The following PTPRT variants were observed in gnomAD, a reference collection of about 807,000 sequenced individuals.
The protein encoded by PTPRT is protein tyrosine phosphatase receptor type T, also known as receptor-type tyrosine-protein phosphatase T.
Under a neutral mutation model 176.8 loss-of-function variants are expected in PTPRT, and 56 were observed. That is an observed-to-expected ratio of 0.32 (90% CI 0.26 to 0.40). The LOEUF (loss-of-function observed/expected upper bound fraction) is 0.40, where lower values mean the gene tolerates loss of function less well. Among genes scored for constraint, PTPRT ranks in the 10% least tolerant of loss-of-function variants. The probability of loss-of-function intolerance (pLI) is 1.00; values close to 1 mark genes in which losing one functional copy is unlikely to be tolerated. For synonymous variants in PTPRT, 783 were observed against 739.0 expected (o/e 1.06, Z -0.96); for missense variants, 1,540 against 1,908.2 (o/e 0.81, Z 3.60).
At chr20:42,706,125 G>GTCTA (rs1468152212) in intron 6 of PTPRT, among the ~76,000 whole-genome samples, 3 of 151,604 alleles carry the variant, frequency 2.0e-5, no homozygotes, top group Non-Finnish European at 4.4e-5. Flanking sequence ...ATGTCTGTCT[G>GTCTA]TCTGTGTCTG....
intron 9 of PTPRT, among the ~76,000 whole-genome samples, chr20:42,367,036 A>T (rs1333566704): frequency 1.3e-5 from 2 of 152,218 alleles, no homozygotes; most frequent in African/African-American, 4.8e-5. Context: ...AGGGGTTCAT[A>T]ATAGGAAGGA....
intron 9 of PTPRT, among the ~76,000 whole-genome samples, chr20:42,398,162 A>C (rs1418814537): frequency 2.0e-5 from 3 of 152,230 alleles, no homozygotes; most frequent in South Asian, 2.1e-4. Context: ...AATTGTAAAA[A>C]AAAATACATA....
At chr20:42,553,938 T>C (rs907190474) in intron 7 of PTPRT, among the ~76,000 whole-genome samples, 1 of 152,054 alleles carries the variant, frequency 6.6e-6, no homozygotes, top group Non-Finnish European at 1.5e-5. Context: ...AATGGTAGCA[T>C]CTAAGATGAT....
chr20:43,142,798 T>A (rs1203756299), intron 1 of PTPRT, among the ~76,000 whole-genome samples: 1 of 152,186 alleles, frequency 6.6e-6, no homozygotes, highest in Non-Finnish European at 1.5e-5. Flanking sequence ...ATACCAGGCA[T>A]GGTAACTGCC....
intron 7 of PTPRT, among the ~76,000 whole-genome samples, chr20:42,583,606 C>T (rs900179137): frequency 2.6e-5 from 4 of 152,042 alleles, no homozygotes; most frequent in Admixed American, 6.5e-5. Context: ...ACATGCACTC[C>T]CCCACACACA....
At chr20:42,831,213 G>T (rs2078079923) in intron 2 of PTPRT, among the ~76,000 whole-genome samples, 2 of 152,064 alleles carry the variant, frequency 1.3e-5, no homozygotes, top group South Asian at 4.1e-4. Context: ...AGAAAGCCCA[G>T]AAGTAAGGCC....
chr20:42,877,811 T>C (rs1356658249), intron 2 of PTPRT, among the ~76,000 whole-genome samples: 1 of 152,184 alleles, frequency 6.6e-6, no homozygotes, highest in Non-Finnish European at 1.5e-5. Flanking sequence ...GACTAGTGCT[T>C]GGACCATTCT....
chr20:42,752,497 C>T (rs1238667884), intron 6 of PTPRT, among the ~76,000 whole-genome samples: 1 of 152,110 alleles, frequency 6.6e-6, no homozygotes, highest in African/African-American at 2.4e-5. Flanking sequence ...TGAACTGGAA[C>T]CAAAGGGTGG....
At chr20:42,609,984 A>T (rs1219589311) in intron 7 of PTPRT, among the ~76,000 whole-genome samples, 1 of 152,226 alleles carries the variant, frequency 6.6e-6, no homozygotes, top group African/African-American at 2.4e-5. Context: ...TTTGACTCCA[A>T]GCATCCAACC....
rs550658756 is a variant in PTPRT, at chr20:42,568,778, G to A, written c.1154-96216C>T. On this transcript the variant is annotated intron_variant, in intron 7 of 30. Coordinates refer to ENST00000373187, the MANE Select transcript of PTPRT (RefSeq NM_007050.6). ...AATAAGAATTATTTCGGCTAGGCAC[G>A]GTGGCTCATGCCTGTAATCCCAGAA... Among the ~76,000 whole-genome samples the A allele has an allele frequency of 7.2e-5, 11 of 152,036 alleles. No homozygotes were observed. In the South Asian group the frequency reaches 1.5e-3, roughly 20 times the overall value.
intron 7 of PTPRT, among the ~76,000 whole-genome samples, chr20:42,654,709 G>A (rs912917644): frequency 4.6e-5 from 7 of 152,174 alleles, no homozygotes; most frequent in African/African-American, 1.7e-4. Context: ...AGCCCACTGA[G>A]ATGGGTACAG....
chr20:42,732,709 G>T (rs1434769534), intron 6 of PTPRT, among the ~76,000 whole-genome samples: 1 of 152,174 alleles, frequency 6.6e-6, no homozygotes, highest in Non-Finnish European at 1.5e-5. Context: ...TAGAACTCAG[G>T]TTTCCTTTCA....
intron 4 of PTPRT, among the ~76,000 whole-genome samples, chr20:42,776,695 T>TCATATCATATAATTATATAAG (rs1003299238): frequency 1.3e-5 from 2 of 150,322 alleles, no homozygotes; most frequent in African/African-American, 2.4e-5. Context: ...AATTATATAA[T>TCATATCATATAATTATATAAG]CATATCATAT....
chr20:42,897,058 C>G (rs2079314188), intron 1 of PTPRT, among the ~76,000 whole-genome samples: 1 of 151,946 alleles, frequency 6.6e-6, no homozygotes, highest in South Asian at 2.1e-4. Context: ...ATTCAGTAAG[C>G]AAAAATAATG....
chr20:43,018,669 T>A (rs62205280), intron 1 of PTPRT, among the ~76,000 whole-genome samples: 1 of 152,000 alleles, frequency 6.6e-6, no homozygotes, highest in Non-Finnish European at 1.5e-5. Flanking sequence ...GTCAAATAAC[T>A]CAACAGAAAA....
chr20:42,596,440 G>A (rs948392843), intron 7 of PTPRT, among the ~76,000 whole-genome samples: 1 of 152,124 alleles, frequency 6.6e-6, no homozygotes, highest in Admixed American at 6.5e-5. Flanking sequence ...CTTCCATACG[G>A]AATACCACGG....
intron 4 of PTPRT, among the ~76,000 whole-genome samples, chr20:42,775,604 C>T (rs989456674): frequency 1.4e-5 from 2 of 145,094 alleles, no homozygotes; most frequent in African/African-American, 2.4e-5. Flanking sequence ...GAGAGGCTTC[C>T]GTTTGTAAGA....
chr20:42,461,529 T>C lies in PTPRT; in HGVS notation c.1450+10737A>G, dbSNP rs62203547. Among the ~76,000 whole-genome samples, 1,327 of 152,190 alleles carry C rather than the reference T, an allele frequency of 8.7e-3. 11 individuals carry two copies. Among genetic ancestry groups the C allele is most frequent in the Middle Eastern group, 0.014 (4 of 294 alleles). On this transcript the variant is annotated intron_variant, in intron 8 of 30. Coordinates refer to ENST00000373187, the MANE Select transcript of PTPRT (RefSeq NM_007050.6). The stretch of plus-strand genomic sequence containing the variant: ...CAGCCTGGGAGACACAGTGAAACCC[T>C]ATCTTTAAAACAAAAACAAAGAGGA...
chr20:42,826,425 T>G (rs1193897305), intron 2 of PTPRT, among the ~76,000 whole-genome samples: 1 of 152,182 alleles, frequency 6.6e-6, no homozygotes, highest in African/African-American at 2.4e-5. Context: ...GACTCAAAAT[T>G]TTAGTGCCAA....
Sources: allele counts gnomAD v4.1 joint callset (sites outside exome capture counted in the v4.1 genomes callset), GRCh38; gene constraint gnomAD v4.1.1; transcripts MANE v1.5; gene names NCBI Gene and HGNC (gene_info 2026-07-23, HGNC 2026-07-21).